PHF24: variants seen among roughly 807,000 people sequenced by gnomAD.
PHF24 encodes PHD finger protein 24.
In PHF24, 25 loss-of-function variants were observed where a neutral mutation model predicts 42.6. The ratio of observed to expected loss-of-function variants is 0.59; its 90% confidence interval spans 0.43 to 0.82. PHF24 has a LOEUF of 0.82. Ranked by LOEUF, PHF24 falls within the 40% of genes least tolerant of loss-of-function variation. The probability of loss-of-function intolerance (pLI) is 0.00; values close to 1 mark genes in which losing one functional copy is unlikely to be tolerated. For synonymous variants in PHF24, 185 were observed against 204.8 expected (o/e 0.90, Z 0.83); for missense variants, 470 against 538.1 (o/e 0.87, Z 1.25).
the PHF24 span, among the ~76,000 whole-genome samples, chr9:34,803,279 A>G: frequency 6.6e-6 from 1 of 152,098 alleles, no homozygotes; most frequent in African/African-American, 2.4e-5. Flanking sequence ...TTAAAGAGCA[A>G]TTGTTTTGGA....
At chr9:34,671,998 T>A in the PHF24 span, among the ~76,000 whole-genome samples, 2 of 152,244 alleles carry the variant, frequency 1.3e-5, no homozygotes, top group Non-Finnish European at 2.9e-5. Context: ...TTCATTTGTT[T>A]GTCTCTCAGT....
chr9:34,861,624 A>G, the PHF24 span, among the ~76,000 whole-genome samples: 33 of 152,338 alleles, frequency 2.2e-4, no homozygotes, highest in African/African-American at 7.2e-4. Context: ...AATAATGATA[A>G]TAATGTATAT....
chr9:34,936,241 G>A, the PHF24 span, among the ~76,000 whole-genome samples: 2 of 152,310 alleles, frequency 1.3e-5, no homozygotes, highest in African/African-American at 4.8e-5. Flanking sequence ...ACTGGTTTTC[G>A]TATTTTTTTG....
the PHF24 span, chr9:34,893,004 G>A: frequency 1.2e-6 from 1 of 815,210 alleles, no homozygotes; most frequent in Non-Finnish European, 2.0e-6. Context: ...GAGGAGCCCT[G>A]TGATGGCCCC....
chr9:34,835,583 C>G, the PHF24 span: 4 of 1,551,782 alleles, frequency 2.6e-6, no homozygotes, highest in East Asian at 9.8e-5. Context: ...GCTGGGGTTG[C>G]TCTGCTCATC....
upstream of PHF24, among the ~76,000 whole-genome samples, chr9:34,952,734 TAAC>T (rs943912937): frequency 2.0e-5 from 3 of 152,192 alleles, no homozygotes; most frequent in African/African-American, 7.2e-5. Flanking sequence ...ATTTATTTTT[TAAC>T]AACTTTATTG....
the PHF24 span, among the ~76,000 whole-genome samples, chr9:34,912,790 A>G: frequency 1.3e-5 from 2 of 152,232 alleles, no homozygotes; most frequent in Non-Finnish European, 2.9e-5. Flanking sequence ...TTTAGTACAC[A>G]AAATGTCTAA....
the PHF24 span, among the ~76,000 whole-genome samples, chr9:34,869,527 G>GT: frequency 6.6e-6 from 1 of 151,950 alleles, no homozygotes; most frequent in Non-Finnish European, 1.5e-5. Flanking sequence ...TTTTTTTCAT[G>GT]TTTCTTGGCC....
chr9:34,697,747 C>T, the PHF24 span, among the ~76,000 whole-genome samples: 433 of 152,130 alleles, frequency 2.8e-3, 2 homozygotes, highest in Non-Finnish European at 5.0e-3. Context: ...TGTACACCTC[C>T]GAAGGGCCCA....
the PHF24 span, among the ~76,000 whole-genome samples, chr9:34,939,571 A>G: frequency 1.3e-5 from 2 of 152,220 alleles, no homozygotes; most frequent in Non-Finnish European, 2.9e-5. Flanking sequence ...CCTATGTTTC[A>G]TAAGAATGGA....
the PHF24 span, among the ~76,000 whole-genome samples, chr9:34,847,994 C>T: frequency 2.6e-5 from 4 of 152,118 alleles, no homozygotes; most frequent in East Asian, 1.9e-4. Flanking sequence ...CTGCTGGATT[C>T]GGTTTGCCAG....
chr9:34,687,590 A>G, the PHF24 span, among the ~76,000 whole-genome samples: 1 of 152,186 alleles, frequency 6.6e-6, no homozygotes, highest in Admixed American at 6.5e-5. Context: ...TCATGGAGGT[A>G]GCGTCCAGGG....
chr9:34,916,185 A>G, the PHF24 span, among the ~76,000 whole-genome samples: 1 of 152,184 alleles, frequency 6.6e-6, no homozygotes, highest in Non-Finnish European at 1.5e-5. Context: ...ACAATCCTCT[A>G]TCACTATAAA....
the PHF24 span, among the ~76,000 whole-genome samples, chr9:34,919,571 A>G: frequency 1.3e-5 from 2 of 151,882 alleles, no homozygotes; most frequent in East Asian, 1.9e-4. Context: ...AAACATTCCA[A>G]TGATCTCTTT....
the PHF24 span, among the ~76,000 whole-genome samples, chr9:34,893,520 G>A: frequency 0.03 from 4,602 of 151,938 alleles, 102 homozygotes; most frequent in Non-Finnish European, 0.047. Flanking sequence ...AGAGTCCCTT[G>A]AACCTGGGAG....
At chr9:34,917,141 G>GC in the PHF24 span, 40 of 998,748 alleles carry the variant, frequency 4.0e-5, no homozygotes, top group Non-Finnish European at 6.2e-5. Flanking sequence ...ACCTTTACCG[G>GC]CCCGTCTGCT....
chr9:34,917,619 G>A, the PHF24 span: 1 of 776,266 alleles, frequency 1.3e-6, no homozygotes, highest in Non-Finnish European at 2.4e-6. Context: ...CACCCCTTTG[G>A]TTGGCCTTCC....
the PHF24 span, among the ~76,000 whole-genome samples, chr9:34,843,382 G>T: frequency 6.6e-6 from 1 of 152,056 alleles, no homozygotes; most frequent in East Asian, 1.9e-4. Context: ...ATTGTAACAA[G>T]TTAAAAAAAT....
chr9:34,893,439 A>G, the PHF24 span, among the ~76,000 whole-genome samples: 2 of 149,082 alleles, frequency 1.3e-5, no homozygotes, highest in Admixed American at 1.3e-4. Flanking sequence ...CGTCTCTACT[A>G]AAAATACAAA....
Sources: gnomAD v4.1 joint callset for allele counts (sites outside exome capture counted in the v4.1 genomes callset) on GRCh38, gnomAD v4.1.1 for gene constraint, MANE v1.5 for transcripts, NCBI Gene and HGNC (gene_info 2026-07-23, HGNC 2026-07-21) for gene names.